VWF: variants seen among roughly 807,000 people sequenced by gnomAD.
VWF encodes von Willebrand factor.
Under a neutral mutation model 308.6 loss-of-function variants are expected in VWF, and 176 were observed. That is an observed-to-expected ratio of 0.57 (90% CI 0.50 to 0.65). The LOEUF is 0.65. Ranked by LOEUF, VWF falls within the 30% of genes least tolerant of loss-of-function variation. VWF has a pLI of 0.00. For missense variants in VWF, 3,146 were observed against 3,648.2 expected (o/e 0.86, Z 3.55); for synonymous variants, 1,385 against 1,443.4 (o/e 0.96, Z 0.92).
intron 42 of VWF, among the ~76,000 whole-genome samples, chr12:5,981,266 C>T (rs1369292564): frequency 1.3e-5 from 2 of 151,688 alleles, no homozygotes; most frequent in Non-Finnish European, 2.9e-5. Flanking sequence ...TGGTGGTGTG[C>T]ACTTGTAATC....
Position 6,012,526 on chromosome 12 carries a change from T to C in VWF, c.5621-396A>G, listed in dbSNP as rs117024161. ...CTGCCATCTCTCTGTACAGCTAATG[T>C]TATTAGCTATAAGTCAAAACTTGCA... On this transcript the variant is annotated intron_variant, in intron 32 of 51. Transcript: ENST00000261405. Among the ~76,000 whole-genome samples, 116 of 152,332 alleles carry C rather than the reference T, an allele frequency of 7.6e-4. No individual in the cohort carries two copies. The East Asian group carries it at 0.017, about 22-fold the overall frequency.
intron 47 of VWF, among the ~76,000 whole-genome samples, chr12:5,963,200 G>C (rs1943338986): frequency 6.6e-6 from 1 of 152,140 alleles, no homozygotes; most frequent in Admixed American, 6.5e-5. Context: ...GCCACTGGCT[G>C]AAAGAAAATA....
chr12:6,050,804 A>C (rs187337790), intron 16 of VWF, among the ~76,000 whole-genome samples: 57 of 152,078 alleles, frequency 3.7e-4, no homozygotes, highest in African/African-American at 1.4e-3. Context: ...AAAATACAAA[A>C]ATTAGCGGGG....
intron 14 of VWF, among the ~76,000 whole-genome samples, chr12:6,057,486 A>AT (rs1565847116): frequency 1.2e-4 from 9 of 73,140 alleles, no homozygotes; most frequent in African/African-American, 4.5e-4. Context: ...CAAATTTATT[A>AT]TTATTATTAT....
rs568701660 is a variant in VWF at position 6,027,610 on chromosome 12, T to C, written c.2968-1564A>G. Among the ~76,000 whole-genome samples the C allele has an allele frequency of 1.1e-4, 16 of 152,168 alleles. No homozygotes were observed. In the South Asian group the frequency reaches 3.3e-3, roughly 32 times the overall value. On this transcript the variant is annotated intron_variant, in intron 22 of 51. Coordinates refer to ENST00000261405, the MANE Select transcript of VWF (RefSeq NM_000552.5). ...GAGAAAAAAAGTAGAAGATGCTACA[T>C]TGCCAGCGTTGAATATGGAGGATGG...
chr12:6,082,437 C>T lies in VWF; in HGVS notation c.658-6886G>A, dbSNP rs192021993. 2.5e-3 allele frequency among the ~76,000 whole-genome samples: 373 copies of T among 152,196 alleles called. 2 individuals carry two copies. The highest frequency in any genetic ancestry group is 8.3e-3 in the African/African-American group (344 of 41,514). On this transcript the variant is annotated intron_variant, in intron 6 of 51. Coordinates refer to ENST00000261405, the MANE Select transcript of VWF (RefSeq NM_000552.5). ...TTTTTAAGAGTATACAGGGGCCCTG[C>T]GATTAAACAGTTGGAGAACTGCTAT...
intron 5 of VWF, among the ~76,000 whole-genome samples, chr12:6,097,990 A>G (rs974972119): frequency 6.6e-6 from 1 of 152,240 alleles, no homozygotes; most frequent in Admixed American, 6.5e-5. Context: ...GCAAATAAGG[A>G]GTTAGACTAG....
At chr12:6,016,415 G>A in intron 30 of VWF, 101 bp downstream of exon 30, 1 of 1,442,968 alleles carries the variant, frequency 6.9e-7, no homozygotes, top group Non-Finnish European at 9.5e-7. Flanking sequence ...AAGAAACTAA[G>A]GCCAAGGAGC....
intron 37 of VWF, among the ~76,000 whole-genome samples, chr12:5,992,833 C>A (rs1192854541): frequency 6.6e-6 from 1 of 152,176 alleles, no homozygotes; most frequent in Non-Finnish European, 1.5e-5. Context: ...AGTAAATAAC[C>A]AGGAGGTACA....
chr12:5,974,945 A>G (rs1943517180), intron 43 of VWF, among the ~76,000 whole-genome samples: 1 of 152,196 alleles, frequency 6.6e-6, no homozygotes, highest in South Asian at 2.1e-4. Flanking sequence ...CACGAAATAT[A>G]TTGGTTGTCA....
chr12:5,961,135 G>C (rs1483482682), intron 47 of VWF, among the ~76,000 whole-genome samples: 1 of 152,128 alleles, frequency 6.6e-6, no homozygotes, highest in African/African-American at 2.4e-5. Context: ...CCCCTAGATG[G>C]GACTATCTAG....
chr12:6,071,430 A>G, intron 9 of VWF, 87 bp from the exon 10 acceptor site: 1 of 1,465,892 alleles, frequency 6.8e-7, no homozygotes. Context: ...TAGTTATCAC[A>G]GTCCCCAAAC....
At position 6,121,205 on chromosome 12, in the gene VWF, C is replaced by T. The variant is rs144310330; in HGVS notation, c.189G>A (p.Gly63=). Residue 63 remains glycine (G), a synonymous_variant, in exon 3 of 52, where the codon GGG becomes GGA. Transcript: ENST00000261405. ...TCGAGAAGGAGCGTTTCTGGCAGCCCCCTGCCAGGAGGTAACTGCAGTATC... is the reference window on the plus strand; with the variant it reads ...TCGAGAAGGAGCGTTTCTGGCAGCCTCCTGCCAGGAGGTAACTGCAGTATC... ...FAGYCSYLLA[G]GCQKRSFSII... 7 of 1,614,166 alleles carry T rather than the reference C, an allele frequency of 4.3e-6. No individual in the cohort carries two copies. The highest frequency in any genetic ancestry group is 5.9e-6 in the Non-Finnish European group (7 of 1,180,034).
intron 46 of VWF, 54 bp downstream of exon 46, chr12:5,968,073 G>A: frequency 6.2e-7 from 1 of 1,610,828 alleles, no homozygotes; most frequent in Admixed American, 1.7e-5. Context: ...CCTTCCCACA[G>A]TACCCCCTTC....
rs543952613 is a variant in VWF at position 6,017,634 on chromosome 12, A to G, written c.5053+731T>C. The stretch of plus-strand genomic sequence containing the variant: ...TGGGAGCAAGCATTTTTTTTTGAGC[A>G]CTTGTCATGTGCCAGATACTATTTT... On this transcript the variant is annotated intron_variant, in intron 28 of 51. Transcript: ENST00000261405. Among the ~76,000 whole-genome samples, 36 of 152,156 alleles carry G rather than the reference A, an allele frequency of 2.4e-4. No individual in the cohort carries two copies. In the South Asian group the frequency reaches 7.5e-3, roughly 32 times the overall value.
rs796913731 is a variant in VWF, at chr12:6,058,643, A to AG, written c.1534-600dup. ...AGGCCCTGGGCATCACTGAAGAGAA[A>AG]GGGCCACGAGCCACAGAAGACTCTG... is the stretch of plus-strand genomic sequence containing the variant. On this transcript the variant is annotated intron_variant, in intron 13 of 51. Transcript: ENST00000261405. This position sits in a 1 kb window ranked among gnomAD's most constrained non-coding sequence, Gnocchi z 4.9. 6.6e-5 allele frequency among the ~76,000 whole-genome samples: 10 copies of AG among 152,290 alleles called. No homozygotes were observed. Among genetic ancestry groups the AG allele is most frequent in the African/African-American group, 2.2e-4 (9 of 41,570 alleles).
intron 50 of VWF, among the ~76,000 whole-genome samples, chr12:5,951,335 C>T (rs923481593): frequency 2.0e-5 from 3 of 152,048 alleles, no homozygotes; most frequent in Non-Finnish European, 4.4e-5. Flanking sequence ...TTAGACCAGC[C>T]CCCACAGCAC....
chr12:6,057,064 A>C lies in VWF; in HGVS notation c.1738T>G (p.Ser580Ala). ...GTCAGGACCGCGCACGCCTCCTCGG[A>C]GAACCTGGCTGTGGGGCGAGAGGAG... is the stretch of plus-strand genomic sequence containing the variant. ...CALNPRMTRF[S>A]EEACAVLTSP... The change falls in exon 15 of 52, where the codon TCC becomes GCC. Residue 580 changes from serine to alanine, a missense_variant. This residue lies in a region of VWF where 1,304 missense variants were observed against 1,353.0 expected (regional missense o/e 0.96). Transcript: ENST00000261405. 1 of 1,540,124 alleles carries C rather than the reference A, an allele frequency of 6.5e-7. No individual in the cohort carries two copies. Among genetic ancestry groups the C allele is most frequent in the South Asian group, 1.2e-5 (1 of 84,018 alleles).
At chr12:6,113,151 T>C (rs1351907062) in intron 3 of VWF, among the ~76,000 whole-genome samples, 1 of 152,188 alleles carries the variant, frequency 6.6e-6, no homozygotes, top group East Asian at 1.9e-4. Flanking sequence ...CTTGTCCTGT[T>C]TGAGCTGAGG....
Sources: allele counts gnomAD v4.1 joint callset (sites outside exome capture counted in the v4.1 genomes callset), GRCh38; gene constraint gnomAD v4.1.1; regional missense constraint gnomAD v4.1.1; non-coding constraint Gnocchi (gnomAD v3.1); transcripts MANE v1.5; gene names NCBI Gene and HGNC (gene_info 2026-07-23, HGNC 2026-07-21).